EFR3B: variants seen among roughly 807,000 people sequenced by gnomAD.
EFR3B encodes protein EFR3 homolog B.
In EFR3B, 64 loss-of-function variants were observed where a neutral mutation model predicts 104.7. The observed-to-expected ratio is 0.61, with a 90% confidence interval of 0.50 to 0.75. The LOEUF is 0.75. Ranked by LOEUF, EFR3B falls within the 30% of genes least tolerant of loss-of-function variation. The pLI, the probability that EFR3B is intolerant of heterozygous loss-of-function variation, is 0.00. For synonymous variants in EFR3B, 385 were observed against 417.9 expected (o/e 0.92, Z 0.96); for missense variants, 750 against 1,078.5 (o/e 0.70, Z 4.27).
chr2:25,144,902 C>A, intron 18 of EFR3B, 58 bp from the exon 19 acceptor site: 2 of 1,474,042 alleles, frequency 1.4e-6, no homozygotes, highest in Non-Finnish European at 1.9e-6. Flanking sequence ...GGACTAGCAG[C>A]TCAGTCCTGG....
At chr2:25,045,191 A>G (rs1410850971) in intron 1 of EFR3B, among the ~76,000 whole-genome samples, 2 of 150,600 alleles carry the variant, frequency 1.3e-5, no homozygotes, top group Non-Finnish European at 3.0e-5. Context: ...ATCACCTGCC[A>G]CCCCCGCTTA....
intron 1 of EFR3B, among the ~76,000 whole-genome samples, chr2:25,067,875 C>T (rs944532042): frequency 3.3e-5 from 5 of 151,960 alleles, no homozygotes; most frequent in African/African-American, 1.2e-4. Context: ...AGATGGGGAT[C>T]TCGCCATATT....
chr2:25,130,241 C>T lies in EFR3B; in HGVS notation c.770+132C>T, dbSNP rs1482983929. ...TGCCGCAGCCGAGTCGATCCCTTCC[C>T]TGTGCCTGTGTTCCCTGCACTGTGA... On this transcript the variant is annotated intron_variant, in intron 7 of 22. Coordinates refer to ENST00000403714, the MANE Select transcript of EFR3B (RefSeq NM_014971.2). This position sits in a 1 kb window ranked among gnomAD's most constrained non-coding sequence, Gnocchi z 4.6. 1.3e-5 allele frequency: 18 copies of T among 1,384,148 alleles called. No individual in the cohort carries two copies. The highest frequency in any genetic ancestry group is 1.6e-5 in the Non-Finnish European group (16 of 1,024,572). 85.7% of individuals were successfully genotyped at this position (1,384,148 alleles called of 1,614,324 possible).
chr2:25,131,260 T>G lies in EFR3B; in HGVS notation c.850-108T>G. On this transcript the variant is annotated intron_variant, in intron 8 of 22. Transcript: ENST00000403714. This position sits in a 1 kb window ranked among gnomAD's most constrained non-coding sequence, Gnocchi z 7.6. ...GTGCCAACTGCAGTGCCCGGGGCCT[T>G]GGAACGTCCCTTTAGTTTACCCCCG... 2 of 1,438,150 alleles carry G rather than the reference T, an allele frequency of 1.4e-6. No homozygotes were observed. Among genetic ancestry groups the G allele is most frequent in the Middle Eastern group, 2.5e-4 (1 of 3,970 alleles). The allele number at this position is 1,438,150 out of a possible 1,614,324, so 89.1% of individuals were successfully genotyped here.
chr2:25,129,946 C>A, intron 6 of EFR3B, 29 bp from the exon 7 acceptor site: 1 of 1,550,222 alleles, frequency 6.5e-7, no homozygotes. Context: ...TGCATGCCAC[C>A]CTCTACCCAT....
chr2:25,082,490 G>A (rs1359073494), intron 1 of EFR3B, among the ~76,000 whole-genome samples: 3 of 152,186 alleles, frequency 2.0e-5, no homozygotes, highest in African/African-American at 7.2e-5. Flanking sequence ...GGAGCCAACT[G>A]TTCTATAACA....
chr2:25,153,277 C>G (rs759679919), intron 21 of EFR3B, among the ~76,000 whole-genome samples: 2 of 152,096 alleles, frequency 1.3e-5, no homozygotes, highest in African/African-American at 2.4e-5. Context: ...TTACTTGAAC[C>G]CAGGAGGTAG....
At position 25,154,162 on chromosome 2, in the gene EFR3B, G is replaced by C; in HGVS notation, c.2349-73G>C. 1 of 1,389,426 alleles carries C rather than the reference G, an allele frequency of 7.2e-7. No homozygotes were observed. Among genetic ancestry groups the C allele is most frequent in the African/African-American group, 1.4e-5 (1 of 69,694 alleles). The allele number at this position is 1,389,426 out of a possible 1,614,324, so 86.1% of individuals were successfully genotyped here. ...AAAAGAAACCCAAGTCACCTACTCT[G>C]TTTGGTTGCACAAGGGTGGGATCCT... On this transcript the variant is annotated intron_variant, in intron 22 of 22. Transcript: ENST00000403714. The surrounding 1 kb of genome is among the most constrained non-coding windows in gnomAD (Gnocchi z 4.1).
rs900026960 is a variant in EFR3B at position 25,135,469 on chromosome 2, A to G, written c.1314A>G (p.Val438=). 8 of 1,551,656 alleles carry G rather than the reference A, an allele frequency of 5.2e-6. No homozygotes were observed. The African/African-American group carries it at 9.6e-5, about 19-fold the overall frequency. The change falls in exon 13 of 23, where the codon GTA becomes GTG. Residue 438 remains valine, a splice_region_variant and synonymous_variant. Coordinates refer to ENST00000403714, the MANE Select transcript of EFR3B (RefSeq NM_014971.2). ...QIMLLKSLLQ[V]STGFQCNNMM... ...AGCTGTCCATACCTCCCTTGCAGGT[A>G]TCCACAGGTTTCCAGTGCAACAACA...
chr2:25,100,571 CA>C (rs944447368), intron 3 of EFR3B, among the ~76,000 whole-genome samples: 1 of 152,210 alleles, frequency 6.6e-6, no homozygotes, highest in African/African-American at 2.4e-5. Flanking sequence ...CGGCTCACTG[CA>C]AGCTCTGCCT....
At chr2:25,065,855 G>A (rs1008514514) in intron 1 of EFR3B, among the ~76,000 whole-genome samples, 1 of 152,090 alleles carries the variant, frequency 6.6e-6, no homozygotes, top group African/African-American at 2.4e-5. Context: ...ATGGGCAGGT[G>A]CTGGGAGGCT....
At chr2:25,096,134 G>A (rs370647655) in intron 3 of EFR3B, among the ~76,000 whole-genome samples, 1 of 152,184 alleles carries the variant, frequency 6.6e-6, no homozygotes, top group African/African-American at 2.4e-5. Context: ...TCCTGCCTCA[G>A]CCTCCTGAAT....
intron 1 of EFR3B, among the ~76,000 whole-genome samples, chr2:25,053,744 T>C (rs887303093): frequency 2.0e-5 from 3 of 152,104 alleles, no homozygotes; most frequent in African/African-American, 7.2e-5. Flanking sequence ...CCATCTCTAC[T>C]AAAAATACAA....
chr2:25,080,448 T>C (rs546453135), intron 1 of EFR3B, among the ~76,000 whole-genome samples: 2 of 151,860 alleles, frequency 1.3e-5, no homozygotes, highest in East Asian at 1.9e-4. Flanking sequence ...GTGTCCGCCA[T>C]CACACCTGGC....
chr2:25,135,635 A>G lies in EFR3B; in HGVS notation c.1480A>G (p.Ile494Val), dbSNP rs1670496706. The G allele has an allele frequency of 6.4e-7, 1 of 1,552,036 alleles. No individual in the cohort carries two copies. The highest frequency in any genetic ancestry group is 1.2e-5 in the South Asian group (1 of 84,056). ...RHGNRHKFST[I>V]STLSDISVLK... is the part of the protein sequence containing the mutation. ...TGGCAACCGCCACAAGTTCTCTACC[A>G]TCAGGTGAACTTGGGGTGTCTCCTC... is the stretch of plus-strand genomic sequence containing the variant. The change falls in exon 13 of 23, where the codon ATC becomes GTC. Residue 494 changes from isoleucine to valine, a missense_variant. Physicochemically the swap from Ile to Val is conservative, Grantham distance 29 (BLOSUM62 3). Transcript: ENST00000403714.
At chr2:25,133,242 C>G in intron 11 of EFR3B, 141 bp from the exon 12 acceptor site, 1 of 1,001,818 alleles carries the variant, frequency 1.0e-6, no homozygotes, top group South Asian at 1.5e-5. Flanking sequence ...TGGTCGGCTT[C>G]CTGGGTCCGG....
chr2:25,151,067 A>C (rs1481114359), intron 20 of EFR3B, among the ~76,000 whole-genome samples: 5 of 152,144 alleles, frequency 3.3e-5, no homozygotes, highest in South Asian at 2.1e-4. Flanking sequence ...TAAAAAAAAA[A>C]AAAAAAACTC....
chr2:25,092,460 C>T (rs1301238464), intron 2 of EFR3B, among the ~76,000 whole-genome samples: 2 of 151,870 alleles, frequency 1.3e-5, no homozygotes, highest in African/African-American at 2.4e-5. Context: ...TATATACACA[C>T]CCATACACAC....
chr2:25,059,572 CGG>C (rs56219617), intron 1 of EFR3B, among the ~76,000 whole-genome samples: 17,764 of 60,396 alleles, frequency 0.29, 2,775 homozygotes, highest in African/African-American at 0.42. Flanking sequence ...CCAGGGACTG[CGG>C]GGGGGGGGGG....
Sources: allele counts gnomAD v4.1 joint callset (sites outside exome capture counted in the v4.1 genomes callset), GRCh38; gene constraint gnomAD v4.1.1; non-coding constraint Gnocchi (gnomAD v3.1); transcripts MANE v1.5; gene names NCBI Gene and HGNC (gene_info 2026-07-23, HGNC 2026-07-21).